ROCK1: variants seen among roughly 807,000 people sequenced by gnomAD.
ROCK1 encodes Rho associated coiled-coil containing protein kinase 1, also known as rho-associated protein kinase 1.
A neutral mutation model predicts 196.8 loss-of-function variants in ROCK1; 36 were observed. The ratio of observed to expected loss-of-function variants is 0.18; its 90% CI spans 0.14 to 0.24. ROCK1 has a LOEUF of 0.24. Among genes scored for constraint, ROCK1 ranks in the 10% least tolerant of loss-of-function variants. ROCK1 has a pLI of 1.00. For missense variants in ROCK1, 920 were observed against 1,562.0 expected (o/e 0.59, Z 6.93); for synonymous variants, 443 against 515.9 (o/e 0.86, Z 1.91).
intron 16 of ROCK1, 115 bp downstream of exon 16, chr18:21,006,236 T>C (rs1296427957): frequency 5.2e-6 from 4 of 767,214 alleles, no homozygotes; most frequent in South Asian, 3.7e-5. Context: ...ATGATGATGG[T>C]TGCATACATT....
intron 11 of ROCK1, 94 bp from the exon 12 acceptor site, chr18:21,020,333 G>C (rs1187731307): frequency 3.0e-5 from 17 of 569,560 alleles, no homozygotes; most frequent in Non-Finnish European, 8.4e-6. Flanking sequence ...AACCTTTTTA[G>C]AAAATAATTT....
chr18:21,055,469 T>A (rs540987359), intron 2 of ROCK1, among the ~76,000 whole-genome samples: 1 of 152,296 alleles, frequency 6.6e-6, no homozygotes, highest in African/African-American at 2.4e-5. Context: ...TACCACTGAC[T>A]TACCACCACT....
chr18:21,050,045 C>A (rs1222656615), intron 2 of ROCK1, among the ~76,000 whole-genome samples, 165 bp from the exon 3 acceptor site: 1 of 152,082 alleles, frequency 6.6e-6, no homozygotes, highest in Non-Finnish European at 1.5e-5. Flanking sequence ...GCTAAATGTT[C>A]AATTTGCTAA....
chr18:21,091,405 C>T (rs1448570084), intron 1 of ROCK1, among the ~76,000 whole-genome samples: 2 of 151,714 alleles, frequency 1.3e-5, no homozygotes, highest in African/African-American at 2.4e-5. Flanking sequence ...GAGTTCAAGA[C>T]CAGCCTGGCC....
intron 16 of ROCK1, among the ~76,000 whole-genome samples, chr18:20,998,389 T>C (rs1237821621): frequency 1.3e-5 from 2 of 151,876 alleles, no homozygotes; most frequent in East Asian, 1.9e-4. Context: ...CTTAAAGAAC[T>C]AGAAAAGCCA....
intron 29 of ROCK1, among the ~76,000 whole-genome samples, chr18:20,955,905 A>G (rs1162641548): frequency 6.6e-6 from 1 of 151,740 alleles, no homozygotes; most frequent in Non-Finnish European, 1.5e-5. Flanking sequence ...GGAGATGGAG[A>G]ACAGATTAAT....
chr18:21,101,306 G>A (rs2036657577), intron 1 of ROCK1, among the ~76,000 whole-genome samples: 1 of 152,206 alleles, frequency 6.6e-6, no homozygotes, highest in Non-Finnish European at 1.5e-5. Context: ...TTAGATGAAA[G>A]GTTAATGAAC....
chr18:21,021,541 C>T (rs986351615), intron 11 of ROCK1, among the ~76,000 whole-genome samples: 10 of 152,108 alleles, frequency 6.6e-5, no homozygotes, highest in Admixed American at 3.9e-4. Flanking sequence ...TCAAATACAG[C>T]AAAGAAGAAA....
At chr18:20,959,053 T>TATA (rs2035285765) in intron 29 of ROCK1, among the ~76,000 whole-genome samples, 1 of 50,922 alleles carries the variant, frequency 2.0e-5, no homozygotes, top group African/African-American at 1.4e-4. Flanking sequence ...ATATAATATA[T>TATA]ATATTATATT....
At chr18:21,030,709 A>G (rs1447773664) in intron 9 of ROCK1, among the ~76,000 whole-genome samples, 1 of 152,246 alleles carries the variant, frequency 6.6e-6, no homozygotes, top group African/African-American at 2.4e-5. Context: ...CAGAACTAAT[A>G]AGAATAAAGA....
At chr18:21,007,768 G>A (rs1221770730) in intron 14 of ROCK1, among the ~76,000 whole-genome samples, 1 of 151,900 alleles carries the variant, frequency 6.6e-6, no homozygotes, top group East Asian at 1.9e-4. Flanking sequence ...AGAATCGCTG[G>A]GATTTAGGCA....
intron 1 of ROCK1, among the ~76,000 whole-genome samples, chr18:21,090,628 T>G (rs1203797497): frequency 6.6e-6 from 1 of 152,222 alleles, no homozygotes; most frequent in Non-Finnish European, 1.5e-5. Flanking sequence ...CAGTTTACAT[T>G]TAAACAAATT....
At chr18:21,010,425 A>G (rs2035807044) in intron 13 of ROCK1, among the ~76,000 whole-genome samples, 1 of 152,250 alleles carries the variant, frequency 6.6e-6, no homozygotes, top group African/African-American at 2.4e-5. Flanking sequence ...TGTAAAGATA[A>G]AGAGCCATAA....
At chr18:21,079,085 T>G (rs1421772781) in intron 1 of ROCK1, among the ~76,000 whole-genome samples, 1 of 152,148 alleles carries the variant, frequency 6.6e-6, no homozygotes, top group Non-Finnish European at 1.5e-5. Context: ...CATGGACAGT[T>G]TGGAGTAATT....
intron 2 of ROCK1, among the ~76,000 whole-genome samples, chr18:21,059,069 ACTC>A (rs775403643): frequency 1.3e-4 from 20 of 151,804 alleles, no homozygotes; most frequent in African/African-American, 2.4e-4. Context: ...CTAAATTCAA[ACTC>A]CTCAACATGG....
chr18:21,099,261 AAAG>A lies in ROCK1; in HGVS notation c.93+11554_93+11556del, dbSNP rs556639075. ...CTTTTTGCGTAAGAAAGTGATTAAAAAAGAATATAAATATATCTATGTATATAT... is the reference window on the plus strand; with the variant it reads ...CTTTTTGCGTAAGAAAGTGATTAAAAAATATAAATATATCTATGTATATAT... On this transcript the variant is annotated intron_variant, in intron 1 of 32. Coordinates refer to ENST00000399799, the MANE Select transcript of ROCK1 (RefSeq NM_005406.3). Among the ~76,000 whole-genome samples, 382 of 152,352 alleles carry A rather than the reference AAAG, an allele frequency of 2.5e-3. 2 individuals are homozygous for A. The highest frequency in any genetic ancestry group is 8.7e-3 in the African/African-American group (363 of 41,586).
At chr18:21,059,795 T>C (rs1014700328) in intron 2 of ROCK1, among the ~76,000 whole-genome samples, 8 of 152,138 alleles carry the variant, frequency 5.3e-5, no homozygotes, top group African/African-American at 1.9e-4. Context: ...CAAATGTCCA[T>C]CAGCTGATAA....
At chr18:20,989,554 T>C (rs2035605717) in intron 18 of ROCK1, among the ~76,000 whole-genome samples, 1 of 152,208 alleles carries the variant, frequency 6.6e-6, no homozygotes, top group South Asian at 2.1e-4. Flanking sequence ...GACTATTTTA[T>C]TAATTTATTT....
intron 9 of ROCK1, among the ~76,000 whole-genome samples, chr18:21,030,127 C>T (rs1314199087): frequency 2.6e-5 from 4 of 152,154 alleles, no homozygotes; most frequent in African/African-American, 4.8e-5. Flanking sequence ...TCCTTAATGG[C>T]CAACAGAACT....
Sources: gnomAD v4.1 joint callset for allele counts (sites outside exome capture counted in the v4.1 genomes callset) on GRCh38, gnomAD v4.1.1 for gene constraint, MANE v1.5 for transcripts, NCBI Gene and HGNC (gene_info 2026-07-23, HGNC 2026-07-21) for gene names.